The following SLC19A3 variants were observed in gnomAD, a reference collection of about 807,000 sequenced individuals.
The protein encoded by SLC19A3 is thiamine transporter 2.
In SLC19A3, 31 loss-of-function variants were observed where a neutral mutation model predicts 40.2. The ratio of observed to expected loss-of-function variants is 0.77; its 90% CI spans 0.58 to 1.04. The LOEUF (loss-of-function observed/expected upper bound fraction) is 1.04. Ranked by LOEUF, SLC19A3 falls within the 50% of genes least tolerant of loss-of-function variation. SLC19A3 has a pLI of 0.00. For synonymous variants in SLC19A3, 212 were observed against 227.5 expected, an observed-to-expected ratio of 0.93 and a Z score of 0.61; for missense variants, 592 against 596.7, an observed-to-expected ratio of 0.99 and a Z score of 0.08.
chr2:227,709,044 A>C lies in SLC19A3; in HGVS notation c.-2-6724T>G, dbSNP rs144487208. Among the ~76,000 whole-genome samples the C allele has an allele frequency of 9.1e-4, 139 of 152,358 alleles. 1 individual carries two copies. In the Middle Eastern group the frequency reaches 0.014, roughly 15 times the overall value. On this transcript the variant is annotated intron_variant, in intron 1 of 5. Coordinates refer to ENST00000644224, the MANE Select transcript of SLC19A3 (RefSeq NM_025243.4). ...CTAATTTGGACCTTATTTAAATTTC[A>C]GACATGGATAGTGTCCTATTTCCTA...
chr2:227,716,256 A>C (rs1696332751), intron 1 of SLC19A3, among the ~76,000 whole-genome samples: 1 of 152,230 alleles, frequency 6.6e-6, no homozygotes, highest in Admixed American at 6.5e-5. Context: ...AACCAGTTTC[A>C]ATATTCCTGA....
rs1695816112 is a variant in SLC19A3, at chr2:227,703,865, T to A, written c.-2-1545A>T. The stretch of plus-strand genomic sequence containing the variant: ...TCATCTTCTCTGTGCATCTGAGACC[T>A]AGGACTATGCCACAGTGATCCACAG... On this transcript the variant is annotated intron_variant, in intron 1 of 5. Coordinates refer to ENST00000644224, the MANE Select transcript of SLC19A3 (RefSeq NM_025243.4). This position sits in a 1 kb window ranked among gnomAD's most constrained non-coding sequence, Gnocchi z 4.7. 6.6e-6 allele frequency among the ~76,000 whole-genome samples: 1 copy of A among 152,216 alleles called. No individual in the cohort carries two copies. The highest frequency in any genetic ancestry group is 2.1e-4 in the South Asian group (1 of 4,826).
intron 4 of SLC19A3, among the ~76,000 whole-genome samples, chr2:227,692,431 C>T (rs1290658128): frequency 2.0e-5 from 3 of 152,104 alleles, no homozygotes; most frequent in East Asian, 1.9e-4. Flanking sequence ...TAAATCACAT[C>T]GACAGAATGA....
intron 1 of SLC19A3, chr2:227,706,572 A>G (rs1022430187): frequency 9.6e-6 from 7 of 727,310 alleles, no homozygotes; most frequent in Non-Finnish European, 9.1e-6. Context: ...GGAGTTCAAG[A>G]CTAGCCTGGC....
At chr2:227,698,702 G>A (rs764095616) in intron 3 of SLC19A3, 34 bp downstream of exon 3, 2 of 1,581,450 alleles carry the variant, frequency 1.3e-6, no homozygotes, top group Non-Finnish European at 1.7e-6. Context: ...AGCGGGTAAA[G>A]CCAACAAAGG....
chr2:227,702,149 A>G lies in SLC19A3; in HGVS notation c.150+20T>C. 2.5e-6 allele frequency: 4 copies of G among 1,600,900 alleles called. No homozygotes were observed. Among genetic ancestry groups the G allele is most frequent in the Non-Finnish European group, 3.4e-6 (4 of 1,168,208 alleles). On this transcript the variant is annotated intron_variant, in intron 2 of 5. Coordinates refer to ENST00000644224, the MANE Select transcript of SLC19A3 (RefSeq NM_025243.4). ...AAAATTTAAAAAACCACATTAAGAT[A>G]TGTATGTATGTTAACTTACCTCTGC...
intron 1 of SLC19A3, among the ~76,000 whole-genome samples, chr2:227,709,894 C>T (rs552966200): frequency 1.3e-5 from 2 of 152,188 alleles, no homozygotes; most frequent in Admixed American, 6.5e-5. Context: ...TTCCTGGCAC[C>T]AGGAACCCGT....
At chr2:227,708,792 TTTG>T (rs1243214873) in intron 1 of SLC19A3, among the ~76,000 whole-genome samples, 1 of 152,210 alleles carries the variant, frequency 6.6e-6, no homozygotes, top group African/African-American at 2.4e-5. Flanking sequence ...TTTTTGTTTA[TTTG>T]TTTTTAGTGG....
At chr2:227,701,215 A>T in intron 2 of SLC19A3, 2 of 637,080 alleles carry the variant, frequency 3.1e-6, no homozygotes, top group Admixed American at 7.3e-5. Flanking sequence ...TCAGCCTTGC[A>T]GGCGAAGCCA....
intron 1 of SLC19A3, among the ~76,000 whole-genome samples, chr2:227,708,021 G>A (rs559387319): frequency 2.0e-5 from 3 of 152,214 alleles, no homozygotes; most frequent in African/African-American, 7.2e-5. Flanking sequence ...GAGCCACCGC[G>A]CCCAGCCTGA....
chr2:227,717,988 G>A lies in SLC19A3; in HGVS notation c.-48C>T. The A allele has an allele frequency of 2.0e-6, 2 of 985,380 alleles. No individual in the cohort carries two copies. The highest frequency in any genetic ancestry group is 2.4e-6 in the Non-Finnish European group (2 of 829,950). 61.0% of individuals were successfully genotyped at this position (985,380 alleles called of 1,614,324 possible). ...TCACCAAATCGCTCACTTGCCGCAC[G>A]ACCACGCACCCGCGGCTGTCGGATG... On this transcript the variant is annotated 5_prime_UTR_variant, in exon 1 of 6. Coordinates refer to ENST00000644224, the MANE Select transcript of SLC19A3 (RefSeq NM_025243.4).
chr2:227,709,309 C>T (rs1443471401), intron 1 of SLC19A3, among the ~76,000 whole-genome samples: 1 of 151,986 alleles, frequency 6.6e-6, no homozygotes, highest in Non-Finnish European at 1.5e-5. Context: ...TTGGTGAAAC[C>T]CCGTCTCAAA....
chr2:227,696,448 A>G (rs1378763078), intron 3 of SLC19A3, among the ~76,000 whole-genome samples: 1 of 152,212 alleles, frequency 6.6e-6, no homozygotes, highest in African/African-American at 2.4e-5. Context: ...GATGAAATAA[A>G]TTCTCTGGGA....
At position 227,706,580 on chromosome 2, in the gene SLC19A3, G is replaced by C. The variant is rs1229013096; in HGVS notation, c.-2-4260C>G. 4.7e-6 allele frequency: 3 copies of C among 643,406 alleles called. No homozygotes were observed. The East Asian group carries it at 1.3e-4, about 28-fold the overall frequency. The allele number at this position is 643,406 out of a possible 1,614,324, so 39.9% of individuals were successfully genotyped here. Reference sequence around the variant, plus strand: ...GAGGTCAGGAGTTCAAGACTAGCCTGGCCAACAGAGTGAAACCCCATCTCT... The same window carrying C: ...GAGGTCAGGAGTTCAAGACTAGCCTCGCCAACAGAGTGAAACCCCATCTCT... On this transcript the variant is annotated intron_variant, in intron 1 of 5. Transcript: ENST00000644224.
intron 1 of SLC19A3, among the ~76,000 whole-genome samples, chr2:227,705,502 G>A (rs1207945081): frequency 4.6e-5 from 7 of 152,052 alleles, no homozygotes; most frequent in Non-Finnish European, 7.3e-5. Flanking sequence ...TTTCTTGGGG[G>A]TATATACCCA....
chr2:227,701,076 T>C, intron 2 of SLC19A3: 2 of 1,303,026 alleles, frequency 1.5e-6, no homozygotes, highest in Non-Finnish European at 2.0e-6. Context: ...CCTGCATCTG[T>C]CCTTTGTTGT....
intron 1 of SLC19A3, among the ~76,000 whole-genome samples, chr2:227,705,570 A>T (rs1695899177): frequency 6.6e-6 from 1 of 152,152 alleles, no homozygotes; most frequent in Admixed American, 6.6e-5. Flanking sequence ...AGGAATCGCC[A>T]CACTGTCTTC....
intron 4 of SLC19A3, among the ~76,000 whole-genome samples, chr2:227,694,286 C>A (rs979258920): frequency 3.3e-5 from 5 of 151,786 alleles, no homozygotes; most frequent in South Asian, 4.2e-4. Flanking sequence ...GGATTACAGG[C>A]GGGAGCCACT....
intron 4 of SLC19A3, among the ~76,000 whole-genome samples, chr2:227,694,241 A>T (rs914277841): frequency 1.3e-5 from 2 of 152,184 alleles, no homozygotes; most frequent in African/African-American, 4.8e-5. Context: ...TCCTGACCTC[A>T]GGTGATCCAC....
Sources: gnomAD v4.1 joint callset for allele counts (sites outside exome capture counted in the v4.1 genomes callset) on GRCh38, gnomAD v4.1.1 for gene constraint, Gnocchi (gnomAD v3.1) non-coding constraint, MANE v1.5 for transcripts, NCBI Gene and HGNC (gene_info 2026-07-23, HGNC 2026-07-21) for gene names.